Variants in AUTS2 observed in about 807,000 individuals in gnomAD.
The protein encoded by AUTS2 is activator of transcription and developmental regulator AUTS2.
AUTS2 carries 17 observed loss-of-function variants against 112.4 expected under a neutral mutation model. That is an observed-to-expected ratio of 0.15 (90% CI 0.10 to 0.23). The LOEUF (loss-of-function observed/expected upper bound fraction) is 0.23, where lower values mean the gene tolerates loss of function less well. Ranked by LOEUF, AUTS2 falls within the 10% of genes least tolerant of loss-of-function variation. The pLI is 1.00. For synonymous variants in AUTS2, 751 were observed against 702.7 expected (o/e 1.07, Z -1.09); for missense variants, 1,510 against 1,701.6 (o/e 0.89, Z 1.98).
chr7:69,605,092 A>G (rs1053225542), intron 1 of AUTS2, among the ~76,000 whole-genome samples: 2 of 152,206 alleles, frequency 1.3e-5, no homozygotes, highest in African/African-American at 2.4e-5. Flanking sequence ...TCCTAAATCT[A>G]TTTTGACCAC....
rs2129551478 is a variant in AUTS2, at chr7:70,722,255, A to G, written c.742+23635A>G. Among the ~76,000 whole-genome samples, 2 of 151,924 alleles carry G rather than the reference A, an allele frequency of 1.3e-5. 1 individual carries two copies. Among genetic ancestry groups the G allele is most frequent in the Admixed American group, 1.3e-4 (2 of 15,260 alleles). ...TCCTCATGGTGGGGTTTGTTACCCA[A>G]TTATTTTTTAATTAAAAAAAAATTC... is the stretch of plus-strand genomic sequence containing the variant. On this transcript the variant is annotated intron_variant, in intron 6 of 18. Transcript: ENST00000342771.
At chr7:70,266,973 C>T (rs1787458245) in intron 4 of AUTS2, among the ~76,000 whole-genome samples, 1 of 152,128 alleles carries the variant, frequency 6.6e-6, no homozygotes, top group African/African-American at 2.4e-5. Flanking sequence ...GGGTGTGTTT[C>T]TTCATAGTAA....
At chr7:69,652,360 G>A (rs1330134161) in intron 1 of AUTS2, among the ~76,000 whole-genome samples, 1 of 151,652 alleles carries the variant, frequency 6.6e-6, no homozygotes, top group African/African-American at 2.4e-5. Flanking sequence ...GTGGCTGTTA[G>A]TACCTGTGAC....
chr7:70,088,576 T>TGA (rs1471985752), intron 2 of AUTS2, among the ~76,000 whole-genome samples: 1 of 151,542 alleles, frequency 6.6e-6, no homozygotes, highest in Non-Finnish European at 1.5e-5. Context: ...GGCATTGATC[T>TGA]GAGACCCACC....
chr7:69,830,260 G>A (rs568983305), intron 1 of AUTS2, among the ~76,000 whole-genome samples: 23 of 152,152 alleles, frequency 1.5e-4, no homozygotes, highest in South Asian at 1.5e-3. Context: ...GAAGGAGAGC[G>A]TCAGAACAAA....
intron 2 of AUTS2, among the ~76,000 whole-genome samples, chr7:70,062,955 A>G (rs1056354797): frequency 5.9e-5 from 9 of 152,198 alleles, no homozygotes; most frequent in African/African-American, 9.7e-5. Flanking sequence ...AAAGAGATCT[A>G]TGATTCATTA....
intron 5 of AUTS2, among the ~76,000 whole-genome samples, chr7:70,698,201 G>A (rs535800589): frequency 1.3e-5 from 2 of 152,312 alleles, no homozygotes; most frequent in African/African-American, 4.8e-5. Context: ...AAATTGGCAT[G>A]TCTGCAAATA....
chr7:70,032,475 T>G (rs1008976203), intron 2 of AUTS2, among the ~76,000 whole-genome samples: 6 of 152,126 alleles, frequency 3.9e-5, no homozygotes, highest in African/African-American at 9.7e-5. Context: ...GACATTTAAT[T>G]TAATTAGACT....
At chr7:69,973,885 C>G (rs1406100280) in intron 2 of AUTS2, among the ~76,000 whole-genome samples, 1 of 151,878 alleles carries the variant, frequency 6.6e-6, no homozygotes, top group Non-Finnish European at 1.5e-5. Context: ...AAATACTGGT[C>G]TGTAATTTTC....
Position 70,297,878 on chromosome 7 carries a change from G to A in AUTS2, c.661-137874G>A, listed in dbSNP as rs750505044. The stretch of plus-strand genomic sequence containing the variant: ...TTTTTCAAGCCAAATCTTGTCTAGA[G>A]TACTACAAACTGATTGAAGTGAAAT... On this transcript the variant is annotated intron_variant, in intron 4 of 18. Transcript: ENST00000342771. 1.9e-4 allele frequency among the ~76,000 whole-genome samples: 29 copies of A among 152,128 alleles called. 1 individual carries two copies. Among genetic ancestry groups the A allele is most frequent in the Non-Finnish European group, 3.1e-4 (21 of 68,032 alleles).
At chr7:70,447,398 A>G (rs1796359955) in intron 5 of AUTS2, among the ~76,000 whole-genome samples, 1 of 152,254 alleles carries the variant, frequency 6.6e-6, no homozygotes, top group Admixed American at 6.5e-5. Context: ...TCTAGTGTTC[A>G]GTGCTACAGA....
At chr7:70,476,645 A>G (rs141002787) in intron 5 of AUTS2, among the ~76,000 whole-genome samples, 2 of 152,334 alleles carry the variant, frequency 1.3e-5, no homozygotes, top group African/African-American at 4.8e-5. Context: ...ACGGTGGTTA[A>G]GAGCTCATCT....
chr7:69,864,084 A>C (rs1793113097), intron 1 of AUTS2, among the ~76,000 whole-genome samples: 1 of 152,190 alleles, frequency 6.6e-6, no homozygotes, highest in African/African-American at 2.4e-5. Context: ...TACAATGTTT[A>C]AACCCAAGTA....
chr7:70,784,721 G>GATTGATTTTCTGCAGGC, intron 15 of AUTS2: 1 of 493,640 alleles, frequency 2.0e-6, no homozygotes, highest in African/African-American at 2.3e-5. Context: ...GAGAAAGAGG[G>GATTGATTTTCTGCAGGC]ATGATTGATT....
intron 2 of AUTS2, among the ~76,000 whole-genome samples, chr7:69,938,466 A>T (rs182080243): frequency 3.3e-5 from 5 of 152,338 alleles, no homozygotes; most frequent in Non-Finnish European, 7.3e-5. Flanking sequence ...ATGTCTACAG[A>T]AGAATGTGGT....
chr7:70,600,942 T>C (rs1378537971), intron 5 of AUTS2, among the ~76,000 whole-genome samples: 1 of 152,242 alleles, frequency 6.6e-6, no homozygotes, highest in African/African-American at 2.4e-5. Context: ...GGTCATGGGT[T>C]CTTTCTACTG....
intron 5 of AUTS2, among the ~76,000 whole-genome samples, chr7:70,603,277 G>A (rs1803569034): frequency 6.6e-6 from 1 of 152,066 alleles, no homozygotes; most frequent in South Asian, 2.1e-4. Context: ...TTCTCAGGAT[G>A]CTTTTGGGTA....
At chr7:69,822,917 AG>A (rs1202583289) in intron 1 of AUTS2, among the ~76,000 whole-genome samples, 1 of 152,206 alleles carries the variant, frequency 6.6e-6, no homozygotes, top group Non-Finnish European at 1.5e-5. Flanking sequence ...TTATTACTTC[AG>A]CCCACTTACT....
chr7:69,702,060 A>G (rs927559701), intron 1 of AUTS2, among the ~76,000 whole-genome samples: 1 of 152,198 alleles, frequency 6.6e-6, no homozygotes, highest in Non-Finnish European at 1.5e-5. Flanking sequence ...TTATTTGACT[A>G]ATGAAAACAT....
Sources: gnomAD v4.1 joint callset for allele counts (sites outside exome capture counted in the v4.1 genomes callset) on GRCh38, gnomAD v4.1.1 for gene constraint, MANE v1.5 for transcripts, NCBI Gene and HGNC (gene_info 2026-07-23, HGNC 2026-07-21) for gene names.